The following IMMP2L variants were observed in gnomAD, a reference collection of about 807,000 sequenced individuals.
IMMP2L encodes the protein mitochondrial inner membrane protease subunit 2.
In IMMP2L, 18 loss-of-function variants were observed where a neutral mutation model predicts 19.3. That is an observed-to-expected ratio of 0.93 (90% CI 0.64 to 1.38). IMMP2L has a LOEUF of 1.38. Among genes scored for constraint, IMMP2L ranks in the 40% most tolerant of loss-of-function variants. IMMP2L has a pLI of 0.00. For missense variants in IMMP2L, 233 were observed against 218.2 expected (o/e 1.07, Z -0.43); for synonymous variants, 76 against 73.0 (o/e 1.04, Z -0.21).
chr7:110,894,113 G>A (rs557409207), intron 4 of IMMP2L, among the ~76,000 whole-genome samples: 3 of 151,948 alleles, frequency 2.0e-5, no homozygotes, highest in South Asian at 4.2e-4. Flanking sequence ...CGAAGACCCC[G>A]TACCTCCTCA....
intron 3 of IMMP2L, among the ~76,000 whole-genome samples, chr7:111,098,515 A>T (rs2129579403): frequency 6.6e-6 from 1 of 151,912 alleles, no homozygotes; most frequent in Middle Eastern, 3.4e-3. Flanking sequence ...AAATTAATGT[A>T]AGCAGAGCCC....
chr7:110,841,861 CT>C (rs1805121072), intron 5 of IMMP2L, among the ~76,000 whole-genome samples: 1 of 152,120 alleles, frequency 6.6e-6, no homozygotes, highest in Admixed American at 6.5e-5. Flanking sequence ...CTATTTCACC[CT>C]GTCCCAATGG....
At chr7:111,334,073 A>G (rs1826150670) in intron 3 of IMMP2L, among the ~76,000 whole-genome samples, 1 of 152,124 alleles carries the variant, frequency 6.6e-6, no homozygotes, top group Non-Finnish European at 1.5e-5. Context: ...AACAATTATA[A>G]GCACACTACA....
chr7:111,273,276 C>CA lies in IMMP2L; in HGVS notation c.239+213961dup, dbSNP rs994635590. On this transcript the variant is annotated intron_variant, in intron 3 of 5. Transcript: ENST00000405709. ...TGGGCATCAGAATAAGACTCCATCT[C>CA]AAAAAAAAAATATATACATACCTCA... Among the ~76,000 whole-genome samples the CA allele has an allele frequency of 4.4e-4, 65 of 147,696 alleles. 1 individual carries two copies. Among genetic ancestry groups the CA allele is most frequent in the Admixed American group, 1.0e-3 (15 of 14,748 alleles).
rs897658323 is a variant in IMMP2L at position 111,228,382 on chromosome 7, TA to T, written c.239+258855del. On this transcript the variant is annotated intron_variant, in intron 3 of 5. Coordinates refer to ENST00000405709, the MANE Select transcript of IMMP2L (RefSeq NM_032549.4). ...TATTAGGAGATGAATAGGTTCTCAT[TA>T]AAAAAAAATGAGACTCAAAAAGAAA... Among the ~76,000 whole-genome samples, 15 of 149,306 alleles carry T rather than the reference TA, an allele frequency of 1.0e-4. No individual in the cohort carries two copies. In the East Asian group the frequency reaches 1.8e-3, roughly 18 times the overall value.
chr7:111,253,991 CA>C (rs1481160323), intron 3 of IMMP2L, among the ~76,000 whole-genome samples: 3 of 152,122 alleles, frequency 2.0e-5, no homozygotes, highest in African/African-American at 7.2e-5. Context: ...AAGTGCCAAA[CA>C]TAATATTTAT....
At chr7:111,343,582 A>G (rs767180650) in intron 3 of IMMP2L, among the ~76,000 whole-genome samples, 3 of 152,072 alleles carry the variant, frequency 2.0e-5, no homozygotes, top group Non-Finnish European at 2.9e-5. Context: ...CTTCTCCACT[A>G]TCAGCAAGAG....
At chr7:111,021,640 T>C (rs1161695976) in intron 3 of IMMP2L, among the ~76,000 whole-genome samples, 1 of 152,170 alleles carries the variant, frequency 6.6e-6, no homozygotes, top group Non-Finnish European at 1.5e-5. Flanking sequence ...CCCAGCACTT[T>C]TGGAGGCCAA....
chr7:110,765,616 C>A, intron 5 of IMMP2L, among the ~76,000 whole-genome samples: 1 of 152,050 alleles, frequency 6.6e-6, no homozygotes, highest in Non-Finnish European at 1.5e-5. Flanking sequence ...ATGGCTAGGT[C>A]ATAACTACTG....
chr7:111,311,537 G>A (rs1424132955), intron 3 of IMMP2L, among the ~76,000 whole-genome samples: 1 of 152,028 alleles, frequency 6.6e-6, no homozygotes, highest in Admixed American at 6.6e-5. Context: ...ATCACACTGG[G>A]GACAACTTGA....
intron 4 of IMMP2L, among the ~76,000 whole-genome samples, chr7:110,910,256 C>A (rs748793018): frequency 3.9e-5 from 6 of 152,144 alleles, no homozygotes; most frequent in Non-Finnish European, 8.8e-5. Flanking sequence ...AGAGCAAGAT[C>A]TTAAAGAGCC....
At chr7:111,504,442 G>T (rs1351944115) in intron 2 of IMMP2L, among the ~76,000 whole-genome samples, 2 of 151,608 alleles carry the variant, frequency 1.3e-5, no homozygotes, top group African/African-American at 4.8e-5. Flanking sequence ...AGCTACCAAT[G>T]ACTTTCTTCA....
chr7:111,539,132 A>AAAGAAAAGGAAGG (rs1554542570), intron 1 of IMMP2L, among the ~76,000 whole-genome samples: 2 of 61,584 alleles, frequency 3.2e-5, no homozygotes, highest in African/African-American at 1.3e-4. Context: ...AAAGAAAAGA[A>AAAGAAAAGGAAGG]AAGGAAGGAA....
intron 3 of IMMP2L, among the ~76,000 whole-genome samples, chr7:111,081,313 CAAACA>C (rs1370210177): frequency 8.5e-5 from 13 of 152,290 alleles, no homozygotes; most frequent in South Asian, 6.2e-4. Context: ...TAAAAACAAA[CAAACA>C]AAAGACTTTC....
At position 111,388,708 on chromosome 7, in the gene IMMP2L, G is replaced by A. The variant is rs116176893; in HGVS notation, c.239+98530C>T. Among the ~76,000 whole-genome samples the A allele has an allele frequency of 3.5e-3, 529 of 151,964 alleles. 7 individuals are homozygous for A. The highest frequency in any genetic ancestry group is 0.012 in the African/African-American group (511 of 41,458). On this transcript the variant is annotated intron_variant, in intron 3 of 5. Coordinates refer to ENST00000405709, the MANE Select transcript of IMMP2L (RefSeq NM_032549.4). Reference sequence around the variant, plus strand: ...GGAGGAAGCAAAAGCAGAAACCCCGGATAAACACATCAGATCTCGTGAGAC... The same window carrying A: ...GGAGGAAGCAAAAGCAGAAACCCCGAATAAACACATCAGATCTCGTGAGAC...
At chr7:111,326,392 T>C (rs1275147094) in intron 3 of IMMP2L, among the ~76,000 whole-genome samples, 1 of 151,864 alleles carries the variant, frequency 6.6e-6, no homozygotes, top group Non-Finnish European at 1.5e-5. Flanking sequence ...ATATTAAAGT[T>C]ACAATAATTC....
chr7:110,905,965 C>A (rs142908300), intron 4 of IMMP2L, among the ~76,000 whole-genome samples: 1 of 152,284 alleles, frequency 6.6e-6, no homozygotes, highest in East Asian at 1.9e-4. Context: ...CTGTCATACA[C>A]CACACCCATA....
At chr7:111,507,991 A>T (rs1420693460) in intron 2 of IMMP2L, among the ~76,000 whole-genome samples, 1 of 152,138 alleles carries the variant, frequency 6.6e-6, no homozygotes, top group African/African-American at 2.4e-5. Flanking sequence ...ACATGGTCAG[A>T]GTCATTGTGG....
At chr7:111,070,757 T>A (rs1050018162) in intron 3 of IMMP2L, among the ~76,000 whole-genome samples, 3 of 152,170 alleles carry the variant, frequency 2.0e-5, no homozygotes, top group Non-Finnish European at 2.9e-5. Context: ...GTATATGATA[T>A]TTTAACTGAA....
Sources: allele counts gnomAD v4.1 joint callset (sites outside exome capture counted in the v4.1 genomes callset), GRCh38; gene constraint gnomAD v4.1.1; transcripts MANE v1.5; gene names NCBI Gene and HGNC (gene_info 2026-07-23, HGNC 2026-07-21).